Variants in MYOCD observed in about 807,000 individuals in gnomAD.
The protein encoded by MYOCD is myocardin.
Under a neutral mutation model 96.1 loss-of-function variants are expected in MYOCD, and 32 were observed. The ratio of observed to expected loss-of-function variants is 0.33; its 90% CI spans 0.25 to 0.45. The LOEUF (loss-of-function observed/expected upper bound fraction) is 0.45. Ranked by LOEUF, MYOCD falls within the 20% of genes least tolerant of loss-of-function variation. The probability of loss-of-function intolerance (pLI) is 1.00; values close to 1 mark genes in which losing one functional copy is unlikely to be tolerated. For missense variants in MYOCD, 1,133 were observed against 1,200.6 expected, an observed-to-expected ratio of 0.94 and a Z score of 0.83; for synonymous variants, 469 against 469.0, an observed-to-expected ratio of 1.00 and a Z score of 0.00.
Position 12,746,009 on chromosome 17 carries a change from T to A in MYOCD, c.1062T>A (p.Ser354=), listed in dbSNP as rs1281055004. 7.4e-6 allele frequency: 12 copies of A among 1,614,118 alleles called. No individual in the cohort carries two copies. Among genetic ancestry groups the A allele is most frequent in the Non-Finnish European group, 1.0e-5 (12 of 1,180,038 alleles). The change falls in exon 9 of 14, where the codon TCT becomes TCA. Residue 354 remains serine, a synonymous_variant. Transcript: ENST00000425538. ...TGTCTCCTGTCAAAAACAGTTTTTC[T>A]GGACAAACTGGTGTCTCTTCTTTCA... is the stretch of plus-strand genomic sequence containing the variant. ...TPLSPVKNSF[S]GQTGVSSFKP...
chr17:12,758,361 A>G, intron 12 of MYOCD, 148 bp downstream of exon 12: 3 of 1,199,092 alleles, frequency 2.5e-6, no homozygotes, highest in East Asian at 5.1e-5. Context: ...TATCTAGACA[A>G]TAATTGGAAA....
At chr17:12,712,270 T>A (rs1390024448) in intron 2 of MYOCD, among the ~76,000 whole-genome samples, 1 of 152,180 alleles carries the variant, frequency 6.6e-6, no homozygotes, top group Non-Finnish European at 1.5e-5. Context: ...TCTTTAATTC[T>A]TCCTCTTGGT....
At chr17:12,713,488 G>A (rs1460878782) in intron 2 of MYOCD, among the ~76,000 whole-genome samples, 1 of 152,146 alleles carries the variant, frequency 6.6e-6, no homozygotes, top group Non-Finnish European at 1.5e-5. Flanking sequence ...GGAGTTTCTA[G>A]AGGAAAAGGG....
chr17:12,764,368 C>A lies in MYOCD; in HGVS notation c.*724C>A, dbSNP rs1320561551. The A allele has an allele frequency of 1.3e-5, 2 of 152,270 alleles. No individual in the cohort carries two copies. The highest frequency in any genetic ancestry group is 2.9e-5 in the Non-Finnish European group (2 of 68,126). 9.4% of individuals were successfully genotyped at this position (152,270 alleles called of 1,614,324 possible). A position where few individuals can be genotyped will look rare whatever the true frequency, so the allele number is the denominator to read the frequency against. On this transcript the variant is annotated 3_prime_UTR_variant, in exon 14 of 14. Coordinates refer to ENST00000425538, the MANE Select transcript of MYOCD (RefSeq NM_001146312.3). ...TTTTTTAACTAGTGGCCCAATCATTCCCACCATCTCTGTGCTGATAAGTAC... is the reference window on the plus strand; with the variant it reads ...TTTTTTAACTAGTGGCCCAATCATTACCACCATCTCTGTGCTGATAAGTAC...
intron 1 of MYOCD, among the ~76,000 whole-genome samples, chr17:12,686,733 A>G (rs2030139674): frequency 6.6e-6 from 1 of 151,874 alleles, no homozygotes; most frequent in South Asian, 2.1e-4. Flanking sequence ...ACAGTGGCCA[A>G]GAGTCCATTG....
intron 7 of MYOCD, among the ~76,000 whole-genome samples, chr17:12,740,704 A>G (rs2032480413): frequency 6.6e-6 from 1 of 151,812 alleles, no homozygotes; most frequent in South Asian, 2.1e-4. Context: ...GGCCTTCTTT[A>G]TAATGTTTTA....
chr17:12,734,352 TGA>T, intron 5 of MYOCD, among the ~76,000 whole-genome samples: 1 of 152,122 alleles, frequency 6.6e-6, no homozygotes, highest in South Asian at 2.1e-4. Context: ...GCAGGGTCTC[TGA>T]GAGTGTGAAT....
At chr17:12,750,413 G>A (rs1040856521) in intron 9 of MYOCD, among the ~76,000 whole-genome samples, 4 of 152,128 alleles carry the variant, frequency 2.6e-5, no homozygotes, top group African/African-American at 9.7e-5. Context: ...TTTGGGCCGG[G>A]CGCTATGGCT....
At chr17:12,674,699 T>G (rs1301528237) in intron 1 of MYOCD, among the ~76,000 whole-genome samples, 2 of 152,240 alleles carry the variant, frequency 1.3e-5, no homozygotes, top group Non-Finnish European at 2.9e-5. Flanking sequence ...GGCTGTCCAC[T>G]GTTTATCTAC....
chr17:12,713,581 A>G (rs768138780), intron 2 of MYOCD, among the ~76,000 whole-genome samples: 1 of 152,190 alleles, frequency 6.6e-6, no homozygotes, highest in African/African-American at 2.4e-5. Context: ...AAACTACACT[A>G]ATATACAATA....
intron 12 of MYOCD, among the ~76,000 whole-genome samples, chr17:12,758,627 G>A (rs1251942214): frequency 6.6e-6 from 1 of 152,210 alleles, no homozygotes; most frequent in African/African-American, 2.4e-5. Context: ...GTTCTCCCTG[G>A]CTTTAAAATT....
intron 1 of MYOCD, among the ~76,000 whole-genome samples, chr17:12,692,024 G>A (rs1028759483): frequency 2.0e-5 from 3 of 152,100 alleles, no homozygotes; most frequent in African/African-American, 4.8e-5. Flanking sequence ...GAGAGAGAGG[G>A]AAAAGGAATA....
chr17:12,728,250 TC>T (rs2032059633), intron 5 of MYOCD, among the ~76,000 whole-genome samples: 1 of 152,218 alleles, frequency 6.6e-6, no homozygotes, highest in Non-Finnish European at 1.5e-5. Flanking sequence ...TCGCTGGTCA[TC>T]AGAGCATTTT....
chr17:12,736,116 A>G (rs1221249509), intron 5 of MYOCD, 45 bp from the exon 6 acceptor site: 7 of 1,551,314 alleles, frequency 4.5e-6, no homozygotes, highest in Non-Finnish European at 6.2e-6. Flanking sequence ...ATGCCCTTTG[A>G]TGCTCCTAAG....
rs560996474 is a variant in MYOCD at position 12,718,272 on chromosome 17, C to T, written c.253+851C>T. On this transcript the variant is annotated intron_variant, in intron 4 of 13. Coordinates refer to ENST00000425538, the MANE Select transcript of MYOCD (RefSeq NM_001146312.3). The stretch of plus-strand genomic sequence containing the variant: ...TCCAGCATGAAAAGAAAGGAAATGC[C>T]TGGTGTGGTGGGTGTATGGAAGAGG... Among the ~76,000 whole-genome samples, 9 of 152,208 alleles carry T rather than the reference C, an allele frequency of 5.9e-5. No homozygotes were observed. The East Asian group carries it at 1.4e-3, about 23-fold the overall frequency.
rs2033403312 is a variant in MYOCD, at chr17:12,768,682, G to C, written c.*5038G>C. On this transcript the variant is annotated 3_prime_UTR_variant, in exon 14 of 14. Transcript: ENST00000425538. ...CAGTAAGAACGGAGGACAATGTATT[G>C]CTGGGTGCTTAAAATCCTCCCTCAG... The C allele has an allele frequency of 6.6e-6, 1 of 152,012 alleles. No homozygotes were observed. The highest frequency in any genetic ancestry group is 1.5e-5 in the Non-Finnish European group (1 of 68,006). The allele number at this position is 152,012 out of a possible 1,614,324, so 9.4% of individuals were successfully genotyped here.
intron 1 of MYOCD, among the ~76,000 whole-genome samples, chr17:12,686,308 G>A (rs2150648259): frequency 6.6e-6 from 1 of 152,298 alleles, no homozygotes; most frequent in Admixed American, 6.5e-5. Context: ...AGCTGCAGAG[G>A]TGTCTCAGCC....
intron 2 of MYOCD, among the ~76,000 whole-genome samples, chr17:12,706,830 C>A (rs907649104): frequency 3.3e-5 from 5 of 152,092 alleles, no homozygotes; most frequent in African/African-American, 1.2e-4. Flanking sequence ...TAACAAAATA[C>A]CACTTATTAG....
At chr17:12,751,525 GGATAA>G (rs2032852368) in intron 9 of MYOCD, among the ~76,000 whole-genome samples, 1 of 151,964 alleles carries the variant, frequency 6.6e-6, no homozygotes, top group Non-Finnish European at 1.5e-5. Flanking sequence ...AAAAATACAG[GGATAA>G]GATAATTACA....
Sources: allele counts gnomAD v4.1 joint callset (sites outside exome capture counted in the v4.1 genomes callset), GRCh38; gene constraint gnomAD v4.1.1; transcripts MANE v1.5; gene names NCBI Gene and HGNC (gene_info 2026-07-23, HGNC 2026-07-21).